FOXN3: variants seen among roughly 807,000 people sequenced by gnomAD.
The protein encoded by FOXN3 is forkhead box N3, also known as forkhead box protein N3.
In FOXN3, 7 loss-of-function variants were observed where a neutral mutation model predicts 38.4. The ratio of observed to expected loss-of-function variants is 0.18; its 90% CI spans 0.10 to 0.34. The LOEUF is 0.34. FOXN3 is among the 10% of genes least tolerant of loss of function. FOXN3 has a pLI of 1.00. For missense variants in FOXN3, 456 were observed against 613.4 expected (o/e 0.74, Z 2.71); for synonymous variants, 230 against 242.2 (o/e 0.95, Z 0.47).
chr14:89,422,495 GA>G (rs1410985590), intron 1 of FOXN3, among the ~76,000 whole-genome samples: 1 of 152,214 alleles, frequency 6.6e-6, no homozygotes, highest in Non-Finnish European at 1.5e-5. Context: ...TATGAGAAGA[GA>G]GGGGGAGATT....
intron 2 of FOXN3, among the ~76,000 whole-genome samples, chr14:89,398,945 T>C (rs1316206405): frequency 6.6e-6 from 1 of 152,170 alleles, no homozygotes; most frequent in Non-Finnish European, 1.5e-5. Context: ...GATCGTGCCA[T>C]TGCACTCCAG....
At chr14:89,592,587 T>C (rs79261260) in intron 1 of FOXN3, among the ~76,000 whole-genome samples, 3 of 152,330 alleles carry the variant, frequency 2.0e-5, no homozygotes, top group East Asian at 1.9e-4. Context: ...GAGTATTGCC[T>C]TTGAAATACT....
chr14:89,213,197 A>C (rs1884155648), intron 4 of FOXN3, among the ~76,000 whole-genome samples: 1 of 152,166 alleles, frequency 6.6e-6, no homozygotes, highest in African/African-American at 2.4e-5. Flanking sequence ...CATTGCCTGG[A>C]GACAACCTCA....
intron 3 of FOXN3, among the ~76,000 whole-genome samples, chr14:89,315,009 C>T (rs1174163973): frequency 6.6e-6 from 1 of 152,034 alleles, no homozygotes; most frequent in Non-Finnish European, 1.5e-5. Context: ...AATCATGTCT[C>T]AGAAAGCCTA....
intron 1 of FOXN3, among the ~76,000 whole-genome samples, chr14:89,469,884 C>T (rs1264850200): frequency 6.6e-6 from 1 of 152,228 alleles, no homozygotes; most frequent in African/African-American, 2.4e-5. Context: ...AACAGAGGAT[C>T]CTGGTGAATG....
At chr14:89,203,348 A>G (rs1286144819) in intron 4 of FOXN3, among the ~76,000 whole-genome samples, 1 of 152,228 alleles carries the variant, frequency 6.6e-6, no homozygotes, top group Non-Finnish European at 1.5e-5. Flanking sequence ...CCTTTGCTAC[A>G]GTGGACTTCC....
chr14:89,345,071 A>C (rs1376614251), intron 3 of FOXN3, among the ~76,000 whole-genome samples: 1 of 152,178 alleles, frequency 6.6e-6, no homozygotes, highest in Admixed American at 6.5e-5. Flanking sequence ...CTCGGTGTGC[A>C]TGAGTAGCCC....
At chr14:89,509,122 T>C (rs1017625011) in intron 1 of FOXN3, among the ~76,000 whole-genome samples, 5 of 151,960 alleles carry the variant, frequency 3.3e-5, no homozygotes, top group Admixed American at 6.6e-5. Flanking sequence ...CCTGATAGTC[T>C]TGGAGTGGAC....
chr14:89,339,350 A>G (rs926961064), intron 3 of FOXN3, among the ~76,000 whole-genome samples: 1 of 152,168 alleles, frequency 6.6e-6, no homozygotes, highest in African/African-American at 2.4e-5. Context: ...AACATGTCCA[A>G]GGTCACACAG....
intron 4 of FOXN3, among the ~76,000 whole-genome samples, chr14:89,225,662 C>A (rs972259152): frequency 6.6e-6 from 1 of 152,136 alleles, no homozygotes; most frequent in Admixed American, 6.6e-5. Flanking sequence ...ATCTAGTCTG[C>A]AATTTACTTT....
chr14:89,588,214 T>C (rs1895883856), intron 1 of FOXN3, among the ~76,000 whole-genome samples: 1 of 152,126 alleles, frequency 6.6e-6, no homozygotes, highest in South Asian at 2.1e-4. Context: ...GCTCCCCCTT[T>C]GCCTTCTGCC....
chr14:89,364,417 T>C (rs969885426), intron 2 of FOXN3: 4 of 152,116 alleles, frequency 2.6e-5, no homozygotes, highest in African/African-American at 9.7e-5. Flanking sequence ...AAAGAGAAGT[T>C]ATCATTTCTT....
chr14:89,454,521 T>A (rs1892682290), intron 1 of FOXN3, among the ~76,000 whole-genome samples: 1 of 152,250 alleles, frequency 6.6e-6, no homozygotes, highest in African/African-American at 2.4e-5. Flanking sequence ...GATGCATGTA[T>A]AAGGATTATT....
At chr14:89,284,076 C>A (rs555687243) in intron 3 of FOXN3, among the ~76,000 whole-genome samples, 151 of 152,270 alleles carry the variant, frequency 9.9e-4, no homozygotes, top group Middle Eastern at 3.4e-3. Flanking sequence ...ATTTCAGTGG[C>A]CAGGTTGGTC....
At position 89,180,853 on chromosome 14, in the gene FOXN3, G is replaced by C. The variant is rs758717926; in HGVS notation, c.746-47C>G. The C allele has an allele frequency of 3.4e-6, 5 of 1,479,634 alleles. No homozygotes were observed. The South Asian group carries it at 6.1e-5, about 18-fold the overall frequency. The allele number at this position is 1,479,634 out of a possible 1,614,324, so 91.7% of individuals were successfully genotyped here. On this transcript the variant is annotated intron_variant, in intron 4 of 5. Transcript: ENST00000557258. ...AGACACCGCACGTGAATTCAACTGT[G>C]AAGATTTCCGTTCCAAGTCAGAAAT...
chr14:89,514,675 C>T (rs761407519), intron 1 of FOXN3, among the ~76,000 whole-genome samples: 4 of 152,220 alleles, frequency 2.6e-5, no homozygotes, highest in Non-Finnish European at 5.9e-5. Context: ...CTGCCTAGCA[C>T]AAATACATTT....
intron 3 of FOXN3, among the ~76,000 whole-genome samples, chr14:89,324,690 C>T (rs1436610132): frequency 1.3e-5 from 2 of 152,154 alleles, no homozygotes; most frequent in Non-Finnish European, 2.9e-5. Context: ...GGGACCCACA[C>T]ACATGGGTCC....
At chr14:89,304,610 G>A (rs1183726712) in intron 3 of FOXN3, among the ~76,000 whole-genome samples, 2 of 152,168 alleles carry the variant, frequency 1.3e-5, no homozygotes, top group Non-Finnish European at 2.9e-5. Flanking sequence ...GATACCTTAT[G>A]TTGGTTTGCT....
rs748675321 is a variant in FOXN3 at position 89,162,943 on chromosome 14, C to T, written c.878G>A (p.Arg293Gln). 17 of 1,570,386 alleles carry T rather than the reference C, an allele frequency of 1.1e-5. No individual in the cohort carries two copies. The highest frequency in any genetic ancestry group is 2.3e-5 in the East Asian group (1 of 44,170). The change falls in exon 6 of 6, where the codon CGG (arginine) becomes CAG (glutamine). Residue 293 changes from arginine to glutamine, a missense_variant. Transcript: ENST00000557258. This position sits in a 1 kb window ranked among gnomAD's most constrained non-coding sequence, Gnocchi z 7.2. ...MRNGITSCRM[R>Q]TESEPSCGSP... ...GCCACAAGATGGCTCACTCTCAGTC[C>T]GCATCCGGCAGCTGGTGATGCCATT...
Sources: allele counts gnomAD v4.1 joint callset (sites outside exome capture counted in the v4.1 genomes callset), GRCh38; gene constraint gnomAD v4.1.1; non-coding constraint Gnocchi (gnomAD v3.1); transcripts MANE v1.5; gene names NCBI Gene and HGNC (gene_info 2026-07-23, HGNC 2026-07-21).